The following GIGYF2 variants were observed in gnomAD, a reference collection of about 807,000 sequenced individuals.
GIGYF2 encodes the protein GRB10 interacting GYF protein 2.
A neutral mutation model predicts 208.1 loss-of-function variants in GIGYF2; 25 were observed. The observed-to-expected ratio is 0.12, with a 90% confidence interval of 0.09 to 0.17. The LOEUF is 0.17. Ranked by LOEUF, GIGYF2 falls within the 10% of genes least tolerant of loss-of-function variation. GIGYF2 has a pLI of 1.00. For missense variants in GIGYF2, 1,302 were observed against 1,579.4 expected, an observed-to-expected ratio of 0.82 and a Z score of 2.98; for synonymous variants, 534 against 543.8, an observed-to-expected ratio of 0.98 and a Z score of 0.25.
In GIGYF2 at chr2:232,844,590, A is replaced by T. The variant is rs927679730; in HGVS notation, c.3305+16A>T. The T allele has an allele frequency of 6.4e-7, 1 of 1,566,418 alleles. No homozygotes were observed. Among genetic ancestry groups the T allele is most frequent in the Non-Finnish European group, 8.8e-7 (1 of 1,139,358 alleles). Reference sequence around the variant, plus strand: ...CCAGTCTCAGGTAGGGCTCAAAATGACCACACCTATGCACCTTGGTTGGTT... The same window carrying T: ...CCAGTCTCAGGTAGGGCTCAAAATGTCCACACCTATGCACCTTGGTTGGTT... On this transcript the variant is annotated intron_variant, in intron 25 of 28. Transcript: ENST00000373563.
In GIGYF2 at chr2:232,717,657, T is replaced by G. The variant is rs149175605; in HGVS notation, c.-44+14168T>G. ...TTCTGTAGGCGGTACAAGAAACATC[T>G]GCTTCTGGTGAGGGCTTCAGGCTGC... On this transcript the variant is annotated intron_variant, in intron 2 of 28. Transcript: ENST00000373563. Among the ~76,000 whole-genome samples, 4 of 152,236 alleles carry G rather than the reference T, an allele frequency of 2.6e-5. No individual in the cohort carries two copies. The East Asian group carries it at 7.7e-4, about 29-fold the overall frequency.
intron 13 of GIGYF2, among the ~76,000 whole-genome samples, 159 bp downstream of exon 13, chr2:232,795,103 T>A (rs1700184213): frequency 6.6e-6 from 1 of 152,250 alleles, no homozygotes; most frequent in Admixed American, 6.5e-5. Flanking sequence ...GTCTTTCAAA[T>A]CATTTCATGC....
chr2:232,820,079 T>G, intron 21 of GIGYF2, 94 bp downstream of exon 21: 1 of 1,402,432 alleles, frequency 7.1e-7, no homozygotes, highest in Non-Finnish European at 9.9e-7. Context: ...TATCTAAAAT[T>G]TTTTCAGGTT....
chr2:232,794,681 T>C (rs1574892836), intron 12 of GIGYF2, 67 bp from the exon 13 acceptor site: 1 of 1,237,418 alleles, frequency 8.1e-7, no homozygotes, highest in Admixed American at 1.7e-5. Context: ...TGCGACTTGA[T>C]AATGTAGTTA....
chr2:232,789,433 A>G (rs912795209), intron 9 of GIGYF2, among the ~76,000 whole-genome samples: 6 of 152,326 alleles, frequency 3.9e-5, no homozygotes, highest in South Asian at 2.1e-4. Context: ...TCATTTGATC[A>G]TGAAGACTCT....
intron 8 of GIGYF2, among the ~76,000 whole-genome samples, chr2:232,781,992 A>G (rs1308530216): frequency 1.3e-5 from 2 of 152,230 alleles, no homozygotes; most frequent in Admixed American, 6.5e-5. Context: ...CAGATAAGAT[A>G]CATTAACACA....
chr2:232,750,931 G>A (rs1045378646), intron 5 of GIGYF2, among the ~76,000 whole-genome samples: 2 of 152,298 alleles, frequency 1.3e-5, no homozygotes, highest in East Asian at 3.9e-4. Flanking sequence ...CTGGGCTCAA[G>A]GGATTCTCCT....
chr2:232,799,712 A>G (rs368146774), intron 14 of GIGYF2, among the ~76,000 whole-genome samples: 13 of 152,148 alleles, frequency 8.5e-5, no homozygotes, highest in African/African-American at 1.9e-4. Context: ...AGGAACTACC[A>G]TACTATTTTC....
At chr2:232,787,123 T>A (rs1235959589) in intron 8 of GIGYF2, 27 bp from the exon 9 acceptor site, 2 of 1,563,646 alleles carry the variant, frequency 1.3e-6, no homozygotes, top group African/African-American at 1.4e-5. Flanking sequence ...AGGCTCATGT[T>A]TACTTACCAT....
intron 2 of GIGYF2, among the ~76,000 whole-genome samples, chr2:232,733,309 T>C (rs1697588251): frequency 6.6e-6 from 1 of 151,416 alleles, no homozygotes; most frequent in Admixed American, 6.6e-5. Flanking sequence ...TACCTCAGTT[T>C]TAGTCTGGTT....
At chr2:232,839,993 G>T (rs1360560305) in intron 23 of GIGYF2, 22 bp downstream of exon 23, 6 of 1,611,412 alleles carry the variant, frequency 3.7e-6, no homozygotes, top group Non-Finnish European at 5.1e-6. Context: ...AAGTAAAAGG[G>T]ATCTAGTCAA....
intron 17 of GIGYF2, among the ~76,000 whole-genome samples, chr2:232,811,982 G>A (rs1377882945): frequency 2.6e-5 from 4 of 152,130 alleles, no homozygotes; most frequent in African/African-American, 9.7e-5. Flanking sequence ...GAGGCTGTAG[G>A]ACTTGATTAA....
At chr2:232,704,856 ATT>A (rs10689292) in intron 2 of GIGYF2, among the ~76,000 whole-genome samples, 11 of 101,954 alleles carry the variant, frequency 1.1e-4, no homozygotes, top group African/African-American at 3.1e-4. Flanking sequence ...TAACTTCTGG[ATT>A]TTTTTTTTTT....
chr2:232,761,144 A>G (rs1214934917), intron 7 of GIGYF2, among the ~76,000 whole-genome samples: 1 of 152,164 alleles, frequency 6.6e-6, no homozygotes, highest in Non-Finnish European at 1.5e-5. Flanking sequence ...ATAAAACTGT[A>G]TACTATGTAT....
intron 2 of GIGYF2, among the ~76,000 whole-genome samples, chr2:232,706,755 G>C (rs1380277860): frequency 2.0e-5 from 3 of 152,006 alleles, no homozygotes; most frequent in African/African-American, 7.3e-5. Flanking sequence ...ACTCCAGCCT[G>C]AGTGACAGAG....
intron 2 of GIGYF2, among the ~76,000 whole-genome samples, chr2:232,715,058 G>C (rs991352049): frequency 6.6e-6 from 1 of 152,102 alleles, no homozygotes; most frequent in Non-Finnish European, 1.5e-5. Flanking sequence ...TCCTGCATTG[G>C]TTTGCTAAGG....
chr2:232,800,685 A>G (rs1700370806), intron 14 of GIGYF2, among the ~76,000 whole-genome samples: 1 of 151,534 alleles, frequency 6.6e-6, no homozygotes, highest in Admixed American at 6.6e-5. Context: ...CCTGGGCTCC[A>G]GTGATCCCAC....
At chr2:232,724,320 C>G (rs71421658) in intron 2 of GIGYF2, among the ~76,000 whole-genome samples, 1 of 149,024 alleles carries the variant, frequency 6.7e-6, no homozygotes, top group East Asian at 2.0e-4. Flanking sequence ...GGCCTCCTAA[C>G]GTGCTGGGAT....
At chr2:232,840,026 A>G (rs1701770716) in intron 23 of GIGYF2, 55 bp downstream of exon 23, 10 of 1,549,370 alleles carry the variant, frequency 6.5e-6, no homozygotes, top group Non-Finnish European at 7.1e-6. Context: ...AATATCTAGC[A>G]TGCATTATGG....
Sources: allele counts gnomAD v4.1 joint callset (sites outside exome capture counted in the v4.1 genomes callset), GRCh38; gene constraint gnomAD v4.1.1; transcripts MANE v1.5; gene names NCBI Gene and HGNC (gene_info 2026-07-23, HGNC 2026-07-21).